The following PLCB1 variants were observed in gnomAD, a reference collection of about 807,000 sequenced individuals.
PLCB1 encodes the protein phospholipase C beta 1, also known as 1-phosphatidylinositol 4,5-bisphosphate phosphodiesterase beta-1.
Under a neutral mutation model 161.8 loss-of-function variants are expected in PLCB1, and 46 were observed. That is an observed-to-expected ratio of 0.28 (90% CI 0.22 to 0.36). PLCB1 has a LOEUF of 0.36. Ranked by LOEUF, PLCB1 falls within the 10% of genes least tolerant of loss-of-function variation. The probability of loss-of-function intolerance (pLI) is 1.00; values close to 1 mark genes in which losing one functional copy is unlikely to be tolerated. For synonymous variants in PLCB1, 517 were observed against 503.7 expected (o/e 1.03, Z -0.35); for missense variants, 1,016 against 1,472.5 (o/e 0.69, Z 5.07).
chr20:8,666,204 A>G (rs1989809107), intron 9 of PLCB1, among the ~76,000 whole-genome samples: 1 of 151,946 alleles, frequency 6.6e-6, no homozygotes, highest in Non-Finnish European at 1.5e-5. Context: ...CCTGCCTGAT[A>G]CCCTTCTCCT....
intron 9 of PLCB1, among the ~76,000 whole-genome samples, chr20:8,662,263 A>G (rs1311740041): frequency 2.8e-5 from 2 of 70,536 alleles, no homozygotes. Flanking sequence ...AATTCTATAC[A>G]TAAGTATTTA....
At chr20:8,795,890 A>AAAAAG (rs3033849) in intron 31 of PLCB1, among the ~76,000 whole-genome samples, 82,488 of 139,150 alleles carry the variant, frequency 0.59, 26,442 homozygotes, top group East Asian at 0.7. Flanking sequence ...AAAAAAAAAA[A>AAAAAG]AAAAGAAAAG....
chr20:8,151,475 G>C (rs1427515951), intron 2 of PLCB1, among the ~76,000 whole-genome samples: 1 of 152,104 alleles, frequency 6.6e-6, no homozygotes, highest in East Asian at 1.9e-4. Context: ...CTCTAAATCA[G>C]TGTGCCCTGG....
At chr20:8,797,442 C>A (rs1011875) in intron 31 of PLCB1, among the ~76,000 whole-genome samples, 93,239 of 151,868 alleles carry the variant, frequency 0.61, 30,326 homozygotes, top group East Asian at 0.71. Context: ...TAAAATGAAC[C>A]TTTTTACTCC....
At position 8,605,828 on chromosome 20, in the gene PLCB1, A is replaced by C. The variant is rs141267307; in HGVS notation, c.247-22466A>C. Among the ~76,000 whole-genome samples, 213 of 152,046 alleles carry C rather than the reference A, an allele frequency of 1.4e-3. 1 individual carries two copies. The highest frequency in any genetic ancestry group is 4.9e-3 in the African/African-American group (203 of 41,480). ...CCCACATGAGGAGTCCCCAGTGTCT[A>C]TTATTGTCATCTTTCTGTCCATGTG... On this transcript the variant is annotated intron_variant, in intron 3 of 31. Coordinates refer to ENST00000338037, the MANE Select transcript of PLCB1 (RefSeq NM_015192.4).
rs190413372 is a variant in PLCB1 at position 8,448,792 on chromosome 20, A to G, written c.246+77342A>G. Among the ~76,000 whole-genome samples, 302 of 152,330 alleles carry G rather than the reference A, an allele frequency of 2.0e-3. 2 individuals are homozygous for G. The highest frequency in any genetic ancestry group is 6.9e-3 in the African/African-American group (288 of 41,574). ...AGCTGTTTGTATGAGTGGTGAGGAC[A>G]AAAAGTAAAGGATTGCATCCCACAA... On this transcript the variant is annotated intron_variant, in intron 3 of 31. Transcript: ENST00000338037.
At chr20:8,380,896 C>T (rs745502121) in intron 3 of PLCB1, among the ~76,000 whole-genome samples, 26 of 152,214 alleles carry the variant, frequency 1.7e-4, no homozygotes, top group African/African-American at 5.8e-4. Flanking sequence ...CAGACAGAGA[C>T]AAGTTGACTT....
intron 3 of PLCB1, among the ~76,000 whole-genome samples, chr20:8,458,475 G>T (rs1044821117): frequency 6.6e-6 from 1 of 152,050 alleles, no homozygotes; most frequent in South Asian, 2.1e-4. Flanking sequence ...TTTCTTAATG[G>T]GTAGAAAAAG....
At chr20:8,409,950 GATA>G (rs1017180820) in intron 3 of PLCB1, among the ~76,000 whole-genome samples, 4 of 152,148 alleles carry the variant, frequency 2.6e-5, no homozygotes, top group Admixed American at 2.6e-4. Flanking sequence ...GGGTGGTGCA[GATA>G]ATGAGTTGAG....
At chr20:8,801,840 G>A (rs535939963) in intron 31 of PLCB1, among the ~76,000 whole-genome samples, 9 of 152,242 alleles carry the variant, frequency 5.9e-5, no homozygotes, top group Middle Eastern at 3.4e-3. Flanking sequence ...TGGGGAGGCC[G>A]AGGAGAACTC....
At chr20:8,771,184 A>G (rs1982658727) in intron 26 of PLCB1, among the ~76,000 whole-genome samples, 1 of 152,166 alleles carries the variant, frequency 6.6e-6, no homozygotes, top group Admixed American at 6.5e-5. Flanking sequence ...CTAAGACTTC[A>G]CTTTTTTAAA....
chr20:8,460,208 T>G (rs569852829), intron 3 of PLCB1, among the ~76,000 whole-genome samples: 1 of 152,324 alleles, frequency 6.6e-6, no homozygotes, highest in Admixed American at 6.5e-5. Context: ...TTTCTAGATT[T>G]CATGGCTGCA....
At chr20:8,833,743 G>A (rs930658430) in intron 31 of PLCB1, among the ~76,000 whole-genome samples, 4 of 152,184 alleles carry the variant, frequency 2.6e-5, no homozygotes, top group African/African-American at 9.7e-5. Context: ...ATTGTTTTAA[G>A]CCACTCAATT....
chr20:8,535,202 CAAAAAAAA>C (rs11323420), intron 3 of PLCB1, among the ~76,000 whole-genome samples: 18 of 52,806 alleles, frequency 3.4e-4, no homozygotes, highest in Admixed American at 6.1e-4. Context: ...AGTTTATGGG[CAAAAAAAA>C]AAAAAAAAAA....
At chr20:8,193,170 T>C (rs944065215) in intron 2 of PLCB1, among the ~76,000 whole-genome samples, 3 of 152,004 alleles carry the variant, frequency 2.0e-5, no homozygotes, top group African/African-American at 7.2e-5. Flanking sequence ...CACATATTGC[T>C]GGTGGGAGTG....
At chr20:8,552,452 G>A (rs1230855933) in intron 3 of PLCB1, among the ~76,000 whole-genome samples, 1 of 152,156 alleles carries the variant, frequency 6.6e-6, no homozygotes, top group African/African-American at 2.4e-5. Context: ...AGGAAGAGAG[G>A]ACAGAACAAT....
chr20:8,449,034 A>G (rs868475870), intron 3 of PLCB1, among the ~76,000 whole-genome samples: 4 of 152,344 alleles, frequency 2.6e-5, no homozygotes, highest in South Asian at 4.1e-4. Flanking sequence ...TAAAGTGAGA[A>G]GGGAAATCAT....
intron 3 of PLCB1, among the ~76,000 whole-genome samples, chr20:8,501,061 G>A (rs1490342881): frequency 6.6e-6 from 1 of 152,110 alleles, no homozygotes; most frequent in African/African-American, 2.4e-5. Context: ...ATACACCTGA[G>A]ACTGATACCA....
chr20:8,375,860 C>T (rs949028023), intron 3 of PLCB1, among the ~76,000 whole-genome samples: 3 of 151,026 alleles, frequency 2.0e-5, no homozygotes, highest in African/African-American at 7.3e-5. Flanking sequence ...TGACTTTCCA[C>T]CTTACAGATT....
Sources: gnomAD v4.1 joint callset for allele counts (sites outside exome capture counted in the v4.1 genomes callset) on GRCh38, gnomAD v4.1.1 for gene constraint, MANE v1.5 for transcripts, NCBI Gene and HGNC (gene_info 2026-07-23, HGNC 2026-07-21) for gene names.